ABCB1: variants seen among roughly 807,000 people sequenced by gnomAD.
The protein encoded by ABCB1 is ATP-dependent translocase ABCB1.
A neutral mutation model predicts 142.0 loss-of-function variants in ABCB1; 69 were observed. The observed-to-expected ratio is 0.49, with a 90% CI of 0.40 to 0.59. The LOEUF (loss-of-function observed/expected upper bound fraction) is 0.59, where lower values mean the gene tolerates loss of function less well. ABCB1 is among the 20% of genes least tolerant of loss of function. The pLI is 0.00. For synonymous variants in ABCB1, 532 were observed against 539.2 expected, an observed-to-expected ratio of 0.99 and a Z score of 0.18; for missense variants, 1,326 against 1,554.7, an observed-to-expected ratio of 0.85 and a Z score of 2.47.
At chr7:87,571,424 G>A (rs1334389961) in intron 4 of ABCB1, among the ~76,000 whole-genome samples, 1 of 152,152 alleles carries the variant, frequency 6.6e-6, no homozygotes, top group Admixed American at 6.6e-5. Flanking sequence ...CAATGTATAC[G>A]ATTAACTGGA....
At chr7:87,710,907 T>G (rs926974437) in intron 1 of ABCB1, among the ~76,000 whole-genome samples, 4 of 152,220 alleles carry the variant, frequency 2.6e-5, no homozygotes, top group African/African-American at 9.6e-5. Flanking sequence ...TGATTCATAC[T>G]CTTTCAACTC....
chr7:87,575,078 C>T (rs1304948966), intron 4 of ABCB1, among the ~76,000 whole-genome samples: 4 of 152,136 alleles, frequency 2.6e-5, no homozygotes, highest in South Asian at 2.1e-4. Flanking sequence ...AAGAGAGATA[C>T]ATTAGACCTT....
intron 1 of ABCB1, among the ~76,000 whole-genome samples, chr7:87,615,644 C>T (rs13233308): frequency 0.37 from 56,303 of 152,066 alleles, 12,969 homozygotes; most frequent in South Asian, 0.65. Flanking sequence ...TGCTTAGACT[C>T]TGGATATATT....
At chr7:87,648,184 CAAA>C (rs138383809) in intron 1 of ABCB1, among the ~76,000 whole-genome samples, 7 of 65,462 alleles carry the variant, frequency 1.1e-4, no homozygotes, top group African/African-American at 2.2e-4. Flanking sequence ...GACTCTGTCT[CAAA>C]AAAAAAAAAA....
At chr7:87,594,309 A>T (rs183460856) in intron 3 of ABCB1, among the ~76,000 whole-genome samples, 1 of 152,294 alleles carries the variant, frequency 6.6e-6, no homozygotes, top group East Asian at 1.9e-4. Flanking sequence ...AAGGAGTTGT[A>T]AGGATTAAAT....
chr7:87,611,220 C>T (rs543300380), intron 1 of ABCB1, among the ~76,000 whole-genome samples: 12 of 152,260 alleles, frequency 7.9e-5, no homozygotes, highest in African/African-American at 2.2e-4. Flanking sequence ...GCCACTTCTC[C>T]CCTTATTCCT....
chr7:87,665,839 A>T (rs573325027), intron 1 of ABCB1, among the ~76,000 whole-genome samples: 1 of 152,216 alleles, frequency 6.6e-6, no homozygotes, highest in African/African-American at 2.4e-5. Flanking sequence ...GATGATCTCC[A>T]GCTTGATCCA....
chr7:87,540,810 C>T (rs948773909), intron 18 of ABCB1, among the ~76,000 whole-genome samples: 1 of 152,156 alleles, frequency 6.6e-6, no homozygotes, highest in Admixed American at 6.6e-5. Context: ...AAATGATTTG[C>T]AAGCTGTAAA....
At chr7:87,530,967 A>C (rs1232678413) in intron 21 of ABCB1, among the ~76,000 whole-genome samples, 1 of 151,716 alleles carries the variant, frequency 6.6e-6, no homozygotes, top group African/African-American at 2.4e-5. Flanking sequence ...GGAAGGAAGG[A>C]GTGGAGAGAG....
At chr7:87,533,005 C>A (rs1484750094) in intron 20 of ABCB1, among the ~76,000 whole-genome samples, 1 of 152,030 alleles carries the variant, frequency 6.6e-6, no homozygotes, top group Non-Finnish European at 1.5e-5. Flanking sequence ...ACATTAAATT[C>A]CATACCATGG....
At chr7:87,628,413 G>C (rs1015050173) in intron 1 of ABCB1, 1 of 158,836 alleles carries the variant, frequency 6.3e-6, no homozygotes, top group African/African-American at 2.4e-5. Flanking sequence ...TGCCTCCCGG[G>C]CTGGGGCACG....
intron 27 of ABCB1, among the ~76,000 whole-genome samples, chr7:87,504,975 T>C (rs1387428115): frequency 6.6e-6 from 1 of 152,146 alleles, no homozygotes; most frequent in Non-Finnish European, 1.5e-5. Context: ...AACTTTTTTT[T>C]TTTATTTGAA....
At chr7:87,672,594 T>G (rs1825937471) in intron 1 of ABCB1, among the ~76,000 whole-genome samples, 1 of 152,206 alleles carries the variant, frequency 6.6e-6, no homozygotes, top group South Asian at 2.1e-4. Flanking sequence ...CTTCTTTTGC[T>G]GGAAAGCCCA....
At chr7:87,566,447 T>C (rs1817785212) in intron 6 of ABCB1, among the ~76,000 whole-genome samples, 1 of 152,214 alleles carries the variant, frequency 6.6e-6, no homozygotes, top group African/African-American at 2.4e-5. Context: ...GAAATGGACA[T>C]CGTGTACACA....
intron 26 of ABCB1, among the ~76,000 whole-genome samples, chr7:87,508,953 A>G (rs1320099374): frequency 6.6e-6 from 1 of 152,194 alleles, no homozygotes; most frequent in Admixed American, 6.5e-5. Context: ...CTTACCCCTA[A>G]GGCTGACAAA....
intron 1 of ABCB1, among the ~76,000 whole-genome samples, chr7:87,699,740 A>G (rs1218453609): frequency 6.6e-6 from 1 of 152,186 alleles, no homozygotes; most frequent in African/African-American, 2.4e-5. Context: ...CCTATGCACA[A>G]TAGAACATTT....
chr7:87,648,598 T>C (rs1009158768), intron 1 of ABCB1, among the ~76,000 whole-genome samples: 2 of 152,146 alleles, frequency 1.3e-5, no homozygotes, highest in Non-Finnish European at 2.9e-5. Context: ...GCAAGCACTG[T>C]TCAGATTACT....
At chr7:87,611,521 G>C (rs1402276864) in intron 1 of ABCB1, among the ~76,000 whole-genome samples, 1 of 151,854 alleles carries the variant, frequency 6.6e-6, no homozygotes, top group African/African-American at 2.4e-5. Flanking sequence ...ATGGCCTCCA[G>C]CTGCATCCAC....
At chr7:87,512,563 T>G (rs1311354121) in intron 25 of ABCB1, among the ~76,000 whole-genome samples, 5 of 152,224 alleles carry the variant, frequency 3.3e-5, no homozygotes, top group African/African-American at 1.2e-4. Context: ...TTTCCTGACT[T>G]CAGGGGGTCC....
Sources: allele counts gnomAD v4.1 joint callset (sites outside exome capture counted in the v4.1 genomes callset), GRCh38; gene constraint gnomAD v4.1.1; transcripts MANE v1.5; gene names NCBI Gene and HGNC (gene_info 2026-07-23, HGNC 2026-07-21).